The following NRXN1 variants were observed in gnomAD, a reference collection of about 807,000 sequenced individuals.
The protein encoded by NRXN1 is neurexin-1.
Under a neutral mutation model 150.9 loss-of-function variants are expected in NRXN1, and 39 were observed. The ratio of observed to expected loss-of-function variants is 0.26; its 90% CI spans 0.20 to 0.34. NRXN1 has a LOEUF of 0.34. Ranked by LOEUF, NRXN1 falls within the 10% of genes least tolerant of loss-of-function variation. NRXN1 has a pLI of 1.00. For synonymous variants in NRXN1, 924 were observed against 757.0 expected (o/e 1.22, Z -3.62); for missense variants, 1,815 against 1,949.9 (o/e 0.93, Z 1.30).
At chr2:50,708,738 C>T (rs563082464) in intron 5 of NRXN1, among the ~76,000 whole-genome samples, 1 of 152,072 alleles carries the variant, frequency 6.6e-6, no homozygotes, top group African/African-American at 2.4e-5. Flanking sequence ...GGGATCTAGT[C>T]TGCTTCTCTC....
intron 5 of NRXN1, among the ~76,000 whole-genome samples, chr2:50,682,622 G>A (rs1175092938): frequency 6.6e-6 from 1 of 152,090 alleles, no homozygotes; most frequent in Non-Finnish European, 1.5e-5. Flanking sequence ...AACAAAGCGA[G>A]TAATGGTGAC....
chr2:50,333,238 T>C (rs916785055), intron 17 of NRXN1, among the ~76,000 whole-genome samples: 1 of 152,226 alleles, frequency 6.6e-6, no homozygotes, highest in Non-Finnish European at 1.5e-5. Flanking sequence ...TATGGGGTTA[T>C]AGTCCCAGCT....
At chr2:50,640,930 T>C (rs1683989294) in intron 5 of NRXN1, among the ~76,000 whole-genome samples, 1 of 152,058 alleles carries the variant, frequency 6.6e-6, no homozygotes, top group Non-Finnish European at 1.5e-5. Context: ...TGGAAGAAAG[T>C]CTTGGGATAA....
At chr2:50,428,899 T>C (rs1317401995) in intron 17 of NRXN1, among the ~76,000 whole-genome samples, 1 of 152,152 alleles carries the variant, frequency 6.6e-6, no homozygotes, top group African/African-American at 2.4e-5. Context: ...AAGTACCATA[T>C]TTATATATTT....
chr2:50,965,965 G>A (rs371690968), intron 2 of NRXN1, among the ~76,000 whole-genome samples: 14 of 151,228 alleles, frequency 9.3e-5, no homozygotes, highest in Admixed American at 6.0e-4. Context: ...ATGTTATGTT[G>A]CCTTCTCTCA....
At chr2:50,143,451 C>T (rs536352575) in intron 18 of NRXN1, among the ~76,000 whole-genome samples, 1 of 151,882 alleles carries the variant, frequency 6.6e-6, no homozygotes, top group Admixed American at 6.6e-5. Context: ...CTGGAAGACA[C>T]TAATTTATTA....
At chr2:50,066,216 T>C (rs1342720419) in intron 19 of NRXN1, among the ~76,000 whole-genome samples, 1 of 152,182 alleles carries the variant, frequency 6.6e-6, no homozygotes. Flanking sequence ...CCATGTACTC[T>C]GAAATTATTG....
chr2:50,041,314 T>C (rs1690908420), intron 21 of NRXN1, among the ~76,000 whole-genome samples: 1 of 152,220 alleles, frequency 6.6e-6, no homozygotes, highest in Admixed American at 6.5e-5. Context: ...ATCATAGTTT[T>C]TACATGCTTA....
intron 21 of NRXN1, among the ~76,000 whole-genome samples, chr2:50,008,681 T>A (rs1330918639): frequency 6.6e-6 from 1 of 152,080 alleles, no homozygotes; most frequent in Admixed American, 6.6e-5. Flanking sequence ...GAATCTCAAT[T>A]GCCTTGCAAG....
chr2:50,325,467 A>G (rs1411597752), intron 17 of NRXN1, among the ~76,000 whole-genome samples: 2 of 152,214 alleles, frequency 1.3e-5, no homozygotes, highest in Non-Finnish European at 2.9e-5. Flanking sequence ...TCTAGTGACA[A>G]GCAGTTTACA....
At chr2:50,085,707 T>C (rs1698687407) in intron 19 of NRXN1, among the ~76,000 whole-genome samples, 1 of 151,962 alleles carries the variant, frequency 6.6e-6, no homozygotes, top group African/African-American at 2.4e-5. Context: ...CTATGGTTAT[T>C]ATAAGAAAAT....
intron 5 of NRXN1, among the ~76,000 whole-genome samples, chr2:50,644,871 A>C (rs1415152595): frequency 2.7e-5 from 4 of 149,452 alleles, no homozygotes; most frequent in Non-Finnish European, 5.9e-5. Flanking sequence ...ATATAAATAA[A>C]AAATGTATTT....
chr2:50,866,546 A>G (rs1214404371), intron 5 of NRXN1, among the ~76,000 whole-genome samples: 1 of 151,966 alleles, frequency 6.6e-6, no homozygotes, highest in Non-Finnish European at 1.5e-5. Flanking sequence ...TCATGAAAGT[A>G]GATGTTAAAA....
chr2:50,457,346 A>G (rs570933582), intron 17 of NRXN1, among the ~76,000 whole-genome samples: 2 of 152,262 alleles, frequency 1.3e-5, no homozygotes, highest in South Asian at 4.1e-4. Context: ...CAGCTAGGGA[A>G]TTTCAGTTGC....
rs545577149 is a variant in NRXN1 at position 51,027,753 on chromosome 2, A to G, written c.521T>C (p.Val174Ala). 137 of 1,612,050 alleles carry G rather than the reference A, an allele frequency of 8.5e-5. 1 individual carries two copies. In the South Asian group the frequency reaches 1.4e-3, roughly 17 times the overall value. The stretch of plus-strand genomic sequence containing the variant: ...CCCCTTGAAGGGCTCCCGCTCCCTC[A>G]CCGAGGCCAGGGTGAGCTTGAGCGC... The part of the protein sequence containing the change: ...AAALKLTLAS[V>A]REREPFKGWI... Residue 174 changes from valine to alanine, a missense_variant, in exon 2 of 23, where the codon GTG becomes GCG. This residue lies in a region of NRXN1 where 554 missense variants were observed against 478.8 expected (regional missense o/e 1.16). Transcript: ENST00000401669.
chr2:50,598,721 T>TAC (rs1553864436), intron 8 of NRXN1, among the ~76,000 whole-genome samples: 1 of 147,182 alleles, frequency 6.8e-6, no homozygotes, highest in South Asian at 2.1e-4. Flanking sequence ...TATATGTATA[T>TAC]ATACACATAT....
intron 17 of NRXN1, among the ~76,000 whole-genome samples, chr2:50,275,725 C>T (rs182950958): frequency 2.0e-5 from 3 of 152,002 alleles, no homozygotes; most frequent in Non-Finnish European, 4.4e-5. Flanking sequence ...AGAATTCATT[C>T]CTTATGTTTA....
At chr2:50,555,077 C>A (rs866781399) in intron 8 of NRXN1, among the ~76,000 whole-genome samples, 15 of 152,090 alleles carry the variant, frequency 9.9e-5, no homozygotes, top group African/African-American at 3.6e-4. Context: ...CAAGTTTTAT[C>A]GCTTCTCTCT....
At chr2:50,732,693 A>G (rs1361883935) in intron 5 of NRXN1, among the ~76,000 whole-genome samples, 3 of 152,170 alleles carry the variant, frequency 2.0e-5, no homozygotes, top group Admixed American at 1.3e-4. Context: ...AATCTGAAGT[A>G]AAGACTACTT....
Sources: allele counts gnomAD v4.1 joint callset (sites outside exome capture counted in the v4.1 genomes callset), GRCh38; gene constraint gnomAD v4.1.1; regional missense constraint gnomAD v4.1.1; transcripts MANE v1.5; gene names NCBI Gene and HGNC (gene_info 2026-07-23, HGNC 2026-07-21).